Variants in DDX4 observed in about 807,000 individuals in gnomAD.
The protein encoded by DDX4 is probable ATP-dependent RNA helicase DDX4.
Under a neutral mutation model 100.0 loss-of-function variants are expected in DDX4, and 25 were observed. The observed-to-expected ratio is 0.25, with a 90% CI of 0.18 to 0.35. The LOEUF (loss-of-function observed/expected upper bound fraction) is 0.35, where lower values mean the gene tolerates loss of function less well. Among genes scored for constraint, DDX4 ranks in the 10% least tolerant of loss-of-function variants. The pLI, the probability that DDX4 is intolerant of heterozygous loss-of-function variation, is 1.00. For missense variants in DDX4, 635 were observed against 882.4 expected, an observed-to-expected ratio of 0.72 and a Z score of 3.55; for synonymous variants, 259 against 275.7, an observed-to-expected ratio of 0.94 and a Z score of 0.60.
chr5:55,760,145 C>T, intron 3 of DDX4, 55 bp from the exon 4 acceptor site: 1 of 1,525,324 alleles, frequency 6.6e-7, no homozygotes, highest in East Asian at 2.6e-5. Flanking sequence ...TTAAGGTTTG[C>T]AAGTACTAGA....
intron 3 of DDX4, among the ~76,000 whole-genome samples, chr5:55,750,050 A>G (rs1343850714): frequency 1.3e-5 from 2 of 152,120 alleles, no homozygotes; most frequent in Non-Finnish European, 2.9e-5. Context: ...TCTGTACTCA[A>G]ACTACACATG....
At chr5:55,802,428 CA>C (rs1743374106) in intron 18 of DDX4, among the ~76,000 whole-genome samples, 1 of 152,130 alleles carries the variant, frequency 6.6e-6, no homozygotes, top group Non-Finnish European at 1.5e-5. Flanking sequence ...AACAGTATTG[CA>C]AACAAATGGC....
At chr5:55,739,122 G>GT (rs1442537285) in intron 2 of DDX4, 90 bp downstream of exon 2, 2 of 789,416 alleles carry the variant, frequency 2.5e-6, no homozygotes, top group African/African-American at 3.5e-5. Context: ...TATACAGTCT[G>GT]TGTCAGTGTT....
At chr5:55,763,138 T>C (rs1234603070) in intron 4 of DDX4, 37 bp from the exon 5 acceptor site, 1 of 1,343,618 alleles carries the variant, frequency 7.4e-7, no homozygotes, top group Non-Finnish European at 1.1e-6. Flanking sequence ...CACTTAATTT[T>C]ATATGTTAAA....
intron 3 of DDX4, among the ~76,000 whole-genome samples, chr5:55,759,455 T>G (rs1760161039): frequency 6.6e-6 from 1 of 152,000 alleles, no homozygotes; most frequent in South Asian, 2.1e-4. Context: ...TTGATTGCAT[T>G]GTGATAAGAG....
chr5:55,810,044 CAA>C (rs994227565), intron 18 of DDX4, among the ~76,000 whole-genome samples: 22 of 144,788 alleles, frequency 1.5e-4, no homozygotes, highest in South Asian at 8.7e-4. Context: ...CACACACACA[CAA>C]AAAATAGAGG....
chr5:55,771,643 T>G (rs981184267), intron 7 of DDX4, among the ~76,000 whole-genome samples: 1 of 152,334 alleles, frequency 6.6e-6, no homozygotes, highest in South Asian at 2.1e-4. Context: ...AATAGTATTG[T>G]CAAATGTTTT....
At chr5:55,806,612 A>G (rs1743741206) in intron 18 of DDX4, among the ~76,000 whole-genome samples, 1 of 152,226 alleles carries the variant, frequency 6.6e-6, no homozygotes, top group African/African-American at 2.4e-5. Context: ...CAGGTTGTTC[A>G]GGTTCCATGT....
intron 2 of DDX4, among the ~76,000 whole-genome samples, chr5:55,739,928 A>G (rs928361808): frequency 3.3e-5 from 5 of 152,080 alleles, no homozygotes; most frequent in East Asian, 1.9e-4. Flanking sequence ...TTTTGTAGAG[A>G]TGAAGTCTCA....
intron 7 of DDX4, among the ~76,000 whole-genome samples, chr5:55,770,742 A>T (rs2111885556): frequency 6.6e-6 from 1 of 152,230 alleles, no homozygotes; most frequent in East Asian, 1.9e-4. Context: ...ATTACTTCTT[A>T]TGATAATTGT....
At chr5:55,773,348 G>A (rs12656770) in intron 7 of DDX4, among the ~76,000 whole-genome samples, 18,614 of 152,180 alleles carry the variant, frequency 0.12, 1,196 homozygotes, top group Middle Eastern at 0.15. Context: ...TAATGCTGCC[G>A]TATTCATTTG....
At chr5:55,749,797 G>T (rs1363849873) in intron 3 of DDX4, among the ~76,000 whole-genome samples, 1 of 143,788 alleles carries the variant, frequency 7.0e-6, no homozygotes, top group Admixed American at 7.1e-5. Flanking sequence ...CAATTCTTTT[G>T]TATGTGTGTG....
chr5:55,739,607 A>G (rs1236606940), intron 2 of DDX4, among the ~76,000 whole-genome samples: 1 of 152,182 alleles, frequency 6.6e-6, no homozygotes, highest in Non-Finnish European at 1.5e-5. Flanking sequence ...ACTTTAAAAG[A>G]TAATAGATTA....
At chr5:55,764,371 TATAA>T (rs923521561) in intron 6 of DDX4, among the ~76,000 whole-genome samples, 1 of 152,196 alleles carries the variant, frequency 6.6e-6, no homozygotes, top group African/African-American at 2.4e-5. Flanking sequence ...TCACTCTCTA[TATAA>T]ATACAGTTTG....
At position 55,787,915 on chromosome 5, in the gene DDX4, T is replaced by G. The variant is rs774091598; in HGVS notation, c.1087T>G (p.Leu363Val). Residue 363 changes from leucine (L) to valine (V), a missense_variant, in exon 15 of 22, where the codon TTG becomes GTG. By Grantham distance (32) the Leu-to-Val change is conservative. This residue lies in a region of DDX4 where 446 missense variants were observed against 540.8 expected (regional missense o/e 0.82). Transcript: ENST00000505374. ...AATAACTGCCAGTCGTTTTAAAGAGTTGCAGGAACCAGAGTGTATTATTGT... is the reference window on the plus strand; with the variant it reads ...AATAACTGCCAGTCGTTTTAAAGAGGTGCAGGAACCAGAGTGTATTATTGT... Reference protein sequence around the residue: ...DGITASRFKELQEPECIIVAP... With the variant: ...DGITASRFKEVQEPECIIVAP... 14 of 1,613,850 alleles carry G rather than the reference T, an allele frequency of 8.7e-6. No homozygotes were observed. Among genetic ancestry groups the G allele is most frequent in the Non-Finnish European group, 8.5e-6 (10 of 1,179,942 alleles).
chr5:55,806,346 T>C (rs1280155366), intron 18 of DDX4, among the ~76,000 whole-genome samples: 1 of 152,206 alleles, frequency 6.6e-6, no homozygotes, highest in Non-Finnish European at 1.5e-5. Flanking sequence ...CTGATCTTAG[T>C]TATTTCTTGC....
intron 7 of DDX4, among the ~76,000 whole-genome samples, chr5:55,770,094 C>T (rs1267032509): frequency 6.6e-6 from 1 of 152,116 alleles, no homozygotes; most frequent in Non-Finnish European, 1.5e-5. Flanking sequence ...TCTGGAACTC[C>T]TGACCCTCAG....
At chr5:55,815,953 T>G (rs1026169933) in intron 21 of DDX4, among the ~76,000 whole-genome samples, 1 of 148,324 alleles carries the variant, frequency 6.7e-6, no homozygotes, top group Admixed American at 6.7e-5. Context: ...TTTTTTTTTT[T>G]TTTTGTATTT....
chr5:55,765,961 C>A (rs1158930974), intron 6 of DDX4, among the ~76,000 whole-genome samples: 1 of 149,292 alleles, frequency 6.7e-6, no homozygotes, highest in Non-Finnish European at 1.5e-5. Context: ...CCCGCCATCA[C>A]GCCCGACTAA....
Sources: gnomAD v4.1 joint callset for allele counts (sites outside exome capture counted in the v4.1 genomes callset) on GRCh38, gnomAD v4.1.1 for gene constraint, gnomAD v4.1.1 regional missense constraint, MANE v1.5 for transcripts, NCBI Gene and HGNC (gene_info 2026-07-23, HGNC 2026-07-21) for gene names.